AKAP12: variants seen among roughly 807,000 people sequenced by gnomAD.
The protein encoded by AKAP12 is A-kinase anchor protein 12.
Under a neutral mutation model 79.9 loss-of-function variants are expected in AKAP12, and 32 were observed. The observed-to-expected ratio is 0.40, with a 90% CI of 0.30 to 0.54. The LOEUF (loss-of-function observed/expected upper bound fraction) is 0.54, where lower values mean the gene tolerates loss of function less well. AKAP12 is among the 20% of genes least tolerant of loss of function. The probability of loss-of-function intolerance (pLI) is 0.48; values close to 1 mark genes in which losing one functional copy is unlikely to be tolerated. For missense variants in AKAP12, 2,074 were observed against 2,177.0 expected (o/e 0.95, Z 0.94); for synonymous variants, 808 against 857.0 (o/e 0.94, Z 1.00).
chr6:151,247,103 T>C (rs911278590), intron 2 of AKAP12, among the ~76,000 whole-genome samples: 2 of 151,920 alleles, frequency 1.3e-5, no homozygotes, highest in Non-Finnish European at 1.5e-5. Context: ...CAATTAATTT[T>C]TAAAGATTTT....
At chr6:151,260,174 T>C (rs1797396210) in intron 2 of AKAP12, among the ~76,000 whole-genome samples, 1 of 152,198 alleles carries the variant, frequency 6.6e-6, no homozygotes. Flanking sequence ...CAAGCAGTTG[T>C]TTTTGGGCAC....
intron 3 of AKAP12, among the ~76,000 whole-genome samples, chr6:151,336,056 A>AC (rs1325583580): frequency 6.6e-6 from 1 of 152,122 alleles, no homozygotes; most frequent in Non-Finnish European, 1.5e-5. Context: ...ACTTAGGATA[A>AC]TGGCCTCCAG....
chr6:151,284,799 T>A (rs922479199), intron 2 of AKAP12, among the ~76,000 whole-genome samples: 1 of 152,234 alleles, frequency 6.6e-6, no homozygotes, highest in Non-Finnish European at 1.5e-5. Flanking sequence ...TAGTACTATG[T>A]GTCTTAGTAC....
At chr6:151,308,195 A>G (rs559027543) in intron 3 of AKAP12, among the ~76,000 whole-genome samples, 1 of 151,560 alleles carries the variant, frequency 6.6e-6, no homozygotes, top group Non-Finnish European at 1.5e-5. Context: ...GGTAATTACT[A>G]TACATTTTTT....
intron 3 of AKAP12, among the ~76,000 whole-genome samples, chr6:151,313,224 C>A (rs773608665): frequency 1.3e-5 from 2 of 152,052 alleles, no homozygotes; most frequent in Non-Finnish European, 2.9e-5. Context: ...GAAATAGGAC[C>A]CTGACCTGCA....
chr6:151,301,105 T>C (rs2499899), intron 2 of AKAP12, among the ~76,000 whole-genome samples: 65,408 of 152,048 alleles, frequency 0.43, 14,759 homozygotes, highest in East Asian at 0.69. Flanking sequence ...AAATGGGTGG[T>C]CCTCGAATCC....
intron 3 of AKAP12, among the ~76,000 whole-genome samples, chr6:151,345,567 G>T (rs539715861): frequency 8.6e-5 from 13 of 151,064 alleles, no homozygotes; most frequent in African/African-American, 3.1e-4. Context: ...GGCTGAGGTG[G>T]GCGGATCACC....
intron 2 of AKAP12, among the ~76,000 whole-genome samples, chr6:151,259,901 C>G (rs1197120355): frequency 1.0e-5 from 1 of 96,050 alleles, no homozygotes; most frequent in Non-Finnish European, 1.9e-5. Flanking sequence ...ATGTAACTTT[C>G]TCTTTTTTTT....
intron 3 of AKAP12, among the ~76,000 whole-genome samples, chr6:151,318,587 C>T (rs1777288596): frequency 2.0e-5 from 3 of 152,158 alleles, no homozygotes; most frequent in Admixed American, 1.3e-4. Context: ...GGACTCTCCA[C>T]GTGAATCCGT....
chr6:151,348,123 A>C (rs930316741), intron 3 of AKAP12, among the ~76,000 whole-genome samples: 1 of 151,708 alleles, frequency 6.6e-6, no homozygotes, highest in Non-Finnish European at 1.5e-5. Context: ...TCTGCACTCC[A>C]GCCTGGGTGA....
At chr6:151,243,143 T>C (rs1347140257) in intron 2 of AKAP12, among the ~76,000 whole-genome samples, 1 of 152,234 alleles carries the variant, frequency 6.6e-6, no homozygotes, top group Non-Finnish European at 1.5e-5. Flanking sequence ...AATTGCGTTT[T>C]ATCTTAAATA....
chr6:151,265,219 T>A (rs1189726500), intron 2 of AKAP12, among the ~76,000 whole-genome samples: 1 of 151,992 alleles, frequency 6.6e-6, no homozygotes, highest in African/African-American at 2.4e-5. Context: ...AGCCTCTTTT[T>A]TTTTTTTTTG....
intron 2 of AKAP12, among the ~76,000 whole-genome samples, chr6:151,242,422 T>TA (rs1350182965): frequency 6.6e-6 from 1 of 152,224 alleles, no homozygotes; most frequent in Non-Finnish European, 1.5e-5. Flanking sequence ...AACCTCCTTT[T>TA]AAAAAATCAC....
intron 2 of AKAP12, among the ~76,000 whole-genome samples, chr6:151,293,065 C>T (rs890738066): frequency 6.6e-6 from 1 of 152,190 alleles, no homozygotes; most frequent in Non-Finnish European, 1.5e-5. Context: ...CTGGTTTCCT[C>T]CTCTGTTGAA....
At position 151,256,948 on chromosome 6, in the gene AKAP12, C is replaced by CTATATATATATATATATA. The variant is rs57384016; in HGVS notation, c.162+16238_162+16239insTATATATATATATATATA. On this transcript the variant is annotated intron_variant, in intron 2 of 4. Coordinates refer to ENST00000402676, the MANE Select transcript of AKAP12 (RefSeq NM_005100.4). Reference sequence around the variant, plus strand: ...ACAGGCGTGAGCCACCGCGCCCGGCCTATATATATATATAAACTTTAAATT... The same window carrying CTATATATATATATATATA: ...ACAGGCGTGAGCCACCGCGCCCGGCCTATATATATATATATATATATATATATATATAAACTTTAAATT... Among the ~76,000 whole-genome samples the CTATATATATATATATATA allele has an allele frequency of 3.8e-4, 55 of 145,880 alleles. 1 individual carries two copies. Among genetic ancestry groups the CTATATATATATATATATA allele is most frequent in the African/African-American group, 1.3e-3 (52 of 38,924 alleles).
intron 2 of AKAP12, among the ~76,000 whole-genome samples, chr6:151,249,712 T>C (rs1797139442): frequency 6.6e-6 from 1 of 152,246 alleles, no homozygotes; most frequent in African/African-American, 2.4e-5. Flanking sequence ...AACTCAAGTT[T>C]CCATATATGC....
chr6:151,325,299 T>C (rs1278172685), intron 3 of AKAP12: 1 of 985,316 alleles, frequency 1.0e-6, no homozygotes, highest in Non-Finnish European at 1.2e-6. Flanking sequence ...GGAGGGAGAA[T>C]TTACTGTCTG....
At chr6:151,307,739 G>C (rs1777004967) in intron 3 of AKAP12, among the ~76,000 whole-genome samples, 1 of 152,170 alleles carries the variant, frequency 6.6e-6, no homozygotes, top group Non-Finnish European at 1.5e-5. Flanking sequence ...TTTTCACAGT[G>C]AGTGATTCAG....
Position 151,241,399 on chromosome 6 carries a change from C to G in AKAP12, c.162+675C>G, listed in dbSNP as rs112104668. Among the ~76,000 whole-genome samples, 1,343 of 152,362 alleles carry G rather than the reference C, an allele frequency of 8.8e-3. 17 individuals carry two copies. The highest frequency in any genetic ancestry group is 0.031 in the African/African-American group (1,271 of 41,590). ...CAGGTTTCGCAAACCAGCCAGCGCCCTCGCGTTCGCTCAGCGCTTTGCCTG... is the reference window on the plus strand; with the variant it reads ...CAGGTTTCGCAAACCAGCCAGCGCCGTCGCGTTCGCTCAGCGCTTTGCCTG... On this transcript the variant is annotated intron_variant, in intron 2 of 4. Transcript: ENST00000402676.
Sources: allele counts gnomAD v4.1 joint callset (sites outside exome capture counted in the v4.1 genomes callset), GRCh38; gene constraint gnomAD v4.1.1; transcripts MANE v1.5; gene names NCBI Gene and HGNC (gene_info 2026-07-23, HGNC 2026-07-21).